TRPM2: variants seen among roughly 807,000 people sequenced by gnomAD.
The protein encoded by TRPM2 is estrogen-responsive element-associated gene 1 protein.
Under a neutral mutation model 174.0 loss-of-function variants are expected in TRPM2, and 161 were observed. That is an observed-to-expected ratio of 0.93 (90% CI 0.81 to 1.05). The LOEUF (loss-of-function observed/expected upper bound fraction) is 1.05. Ranked by LOEUF, TRPM2 falls within the 50% of genes least tolerant of loss-of-function variation. TRPM2 has a pLI of 0.00. For synonymous variants in TRPM2, 954 were observed against 861.3 expected, an observed-to-expected ratio of 1.11 and a Z score of -1.88; for missense variants, 2,057 against 2,038.0, an observed-to-expected ratio of 1.01 and a Z score of -0.18.
chr21:44,406,031 G>A lies in TRPM2; in HGVS notation c.2784G>A (p.Lys928=), dbSNP rs1370680143. 1.2e-6 allele frequency: 2 copies of A among 1,606,392 alleles called. No homozygotes were observed. The highest frequency in any genetic ancestry group is 1.7e-6 in the Non-Finnish European group (2 of 1,179,654). ...TGGGGCCCAAGATCATCATTGTGAA[G>A]CGGATGGTAAGGGGGCGGGGGCACC... The part of the protein sequence containing the change: ...KTLGPKIIIV[K]RMMKDVFFFL... The change falls in exon 18 of 32, where the codon AAG becomes AAA. Residue 928 remains lysine (K), a synonymous_variant. Coordinates refer to ENST00000397928, the MANE Select transcript of TRPM2 (RefSeq NM_003307.4).
At chr21:44,436,602 C>T (rs1283918352) in intron 28 of TRPM2, among the ~76,000 whole-genome samples, 9 of 126,492 alleles carry the variant, frequency 7.1e-5, no homozygotes, top group African/African-American at 2.4e-4. Context: ...CCCTGGGCTG[C>T]ACTCAGCACC....
Position 44,401,850 on chromosome 21 carries a change from GC to G in TRPM2, c.2493del (p.Ile832SerfsTer25). The G allele has an allele frequency of 1.2e-6, 2 of 1,613,918 alleles. No homozygotes were observed. Among genetic ancestry groups the G allele is most frequent in the Non-Finnish European group, 1.7e-6 (2 of 1,180,014 alleles). ...GCCTGTGCCCTCCTGGTGCGAGTGT[GC>G]CATCTACCTCTGGCTCTTCTCCTTG... ...FQPVPSWCEC[A>X]IYLWLFSLVC... On this transcript the variant is annotated frameshift_variant, in exon 16 of 32. Coordinates refer to ENST00000397928, the MANE Select transcript of TRPM2 (RefSeq NM_003307.4). LOFTEE classifies it high-confidence loss of function.
At chr21:44,400,218 A>G (rs767293798) in intron 14 of TRPM2, 41 bp from the exon 15 acceptor site, 5 of 1,560,630 alleles carry the variant, frequency 3.2e-6, no homozygotes, top group Non-Finnish European at 3.5e-6. Flanking sequence ...TCTGGGGCAC[A>G]GGGCTGGGCA....
rs763213781 is a variant in TRPM2 at position 44,425,792 on chromosome 21, C to T, written c.3760C>T (p.Arg1254Cys). ...HLLYPNCPVT[R>C]FPVPNEKVPW... ...CCTCTACCCCAACTGCCCTGTCACG[C>T]GCTTCCCCGTGCCCAACGAGAAGGT... The change falls in exon 25 of 32, where the codon CGC (arginine) becomes TGC (cysteine). Residue 1254 changes from arginine (R) to cysteine (C), a missense_variant. Physicochemically the swap from Arg to Cys is radical, Grantham distance 180. Coordinates refer to ENST00000397928, the MANE Select transcript of TRPM2 (RefSeq NM_003307.4). 4.5e-5 allele frequency: 72 copies of T among 1,586,036 alleles called. No homozygotes were observed. The highest frequency in any genetic ancestry group is 4.1e-4 in the Middle Eastern group (2 of 4,914).
rs1283596735 is a variant in TRPM2 at position 44,418,488 on chromosome 21, T to C, written c.3394T>C (p.Tyr1132His). Residue 1132 changes from tyrosine to histidine, a missense_variant, in exon 22 of 32, where the codon TAC becomes CAC. Transcript: ENST00000397928. Reference protein sequence around the residue: ...LSWEIYLKENYLQNRQFQQKQ... With the variant: ...LSWEIYLKENHLQNRQFQQKQ... ...CTGGGAGATCTACCTGAAGGAGAACTACCTCCAGAACCGACAGTTCCAGCA... is the reference window on the plus strand; with the variant it reads ...CTGGGAGATCTACCTGAAGGAGAACCACCTCCAGAACCGACAGTTCCAGCA... The C allele has an allele frequency of 1.1e-5, 17 of 1,613,946 alleles. No homozygotes were observed. The highest frequency in any genetic ancestry group is 1.4e-5 in the Non-Finnish European group (17 of 1,180,004).
At chr21:44,441,078 G>C (rs115772045) in intron 31 of TRPM2, among the ~76,000 whole-genome samples, 173 bp downstream of exon 31, 302 of 152,304 alleles carry the variant, frequency 2.0e-3, no homozygotes, top group African/African-American at 6.8e-3. Flanking sequence ...GATTCTGGAC[G>C]TGCCTCGAGG....
chr21:44,439,098 G>A lies in TRPM2; in HGVS notation c.4199G>A (p.Arg1400Gln), dbSNP rs375821511. Residue 1400 changes from arginine to glutamine, a missense_variant, in exon 30 of 32, where the codon CGG becomes CAG. Arg to Gln is a conservative substitution (Grantham distance 43). Transcript: ENST00000397928. The surrounding 1 kb of genome is among the most constrained non-coding windows in gnomAD (Gnocchi z 5.1). Reference sequence around the variant, plus strand: ...CGGGAGCCAGGGGAGATGCTACCTCGGAAGCTGAAGCGGATCCTCCGGCAG... The same window carrying A: ...CGGGAGCCAGGGGAGATGCTACCTCAGAAGCTGAAGCGGATCCTCCGGCAG... ...GSREPGEMLPRKLKRILRQEH... is the reference protein window; with the variant it reads ...GSREPGEMLPQKLKRILRQEH... 8.8e-5 allele frequency: 142 copies of A among 1,613,422 alleles called. No individual in the cohort carries two copies. The Admixed American group carries it at 1.0e-3, about 12-fold the overall frequency.
intron 11 of TRPM2, among the ~76,000 whole-genome samples, chr21:44,393,552 C>A (rs953577424): frequency 6.6e-6 from 1 of 152,220 alleles, no homozygotes; most frequent in Non-Finnish European, 1.5e-5. Context: ...TTTGTAAAAA[C>A]CATTTGGGAA....
At chr21:44,387,250 G>A (rs994032989) in intron 9 of TRPM2, among the ~76,000 whole-genome samples, 1 of 152,138 alleles carries the variant, frequency 6.6e-6, no homozygotes. Flanking sequence ...ATAAACCCTC[G>A]CATATATGGT....
rs150953374 is a variant in TRPM2 at position 44,430,262 on chromosome 21, G to A, written c.3974+3151G>A. Reference sequence around the variant, plus strand: ...TTGGTTTTGGTATGAGGTTATACCAGTCTCAATGAATGAGCTGGTCAGCTT... The same window carrying A: ...TTGGTTTTGGTATGAGGTTATACCAATCTCAATGAATGAGCTGGTCAGCTT... On this transcript the variant is annotated intron_variant, in intron 27 of 31. Coordinates refer to ENST00000397928, the MANE Select transcript of TRPM2 (RefSeq NM_003307.4). Among the ~76,000 whole-genome samples, 347 of 152,258 alleles carry A rather than the reference G, an allele frequency of 2.3e-3. 1 individual carries two copies. The highest frequency in any genetic ancestry group is 3.9e-3 in the Non-Finnish European group (263 of 68,010).
chr21:44,351,466 A>G (rs1381686151), upstream of TRPM2, among the ~76,000 whole-genome samples: 3 of 152,184 alleles, frequency 2.0e-5, no homozygotes, highest in Admixed American at 6.5e-5. Flanking sequence ...TGCTTCATGC[A>G]TCTGTCTTCT....
chr21:44,436,487 A>AC (rs2051270869), intron 28 of TRPM2, among the ~76,000 whole-genome samples: 1 of 149,098 alleles, frequency 6.7e-6, no homozygotes, highest in Admixed American at 6.7e-5. Flanking sequence ...GGCACTCGGC[A>AC]CCCCACGTCA....
At chr21:44,437,865 T>C (rs924363112) in intron 29 of TRPM2, among the ~76,000 whole-genome samples, 2 of 152,194 alleles carry the variant, frequency 1.3e-5, no homozygotes, top group Admixed American at 6.5e-5. Flanking sequence ...TGCCAGGAGG[T>C]CTGAGTCCTG....
intron 4 of TRPM2, among the ~76,000 whole-genome samples, chr21:44,368,892 T>C (rs889724786): frequency 3.9e-5 from 6 of 151,946 alleles, no homozygotes; most frequent in African/African-American, 1.5e-4. Context: ...GAAAGCAAAA[T>C]ACAAGAATGC....
At position 44,425,122 on chromosome 21, in the gene TRPM2, C is replaced by T. The variant is rs2050707520; in HGVS notation, c.3637+183C>T. ...TCAGCCCACCCACCGACGCTGGCGCCGAGGCCCCGCCCAATCCCTGACCTG... is the reference window on the plus strand; with the variant it reads ...TCAGCCCACCCACCGACGCTGGCGCTGAGGCCCCGCCCAATCCCTGACCTG... On this transcript the variant is annotated intron_variant, in intron 24 of 31. Transcript: ENST00000397928. 49 of 600,778 alleles carry T rather than the reference C, an allele frequency of 8.2e-5. No homozygotes were observed. The East Asian group carries it at 1.3e-3, about 16-fold the overall frequency. 37.2% of individuals were successfully genotyped at this position (600,778 alleles called of 1,614,324 possible).
intron 24 of TRPM2, chr21:44,425,309 C>T (rs1296038575): frequency 5.1e-6 from 2 of 390,056 alleles, no homozygotes; most frequent in Non-Finnish European, 4.6e-6. Flanking sequence ...TTCCTAAATT[C>T]GCAGCCGGCT....
rs560357058 is a variant in TRPM2 at position 44,423,862 on chromosome 21, C to T, written c.3549+130C>T. On this transcript the variant is annotated intron_variant, in intron 23 of 31. Coordinates refer to ENST00000397928, the MANE Select transcript of TRPM2 (RefSeq NM_003307.4). ...TGAGGAGGAGGCCGGAACGTTGGGG[C>T]AGCCATTCCCAGCTGGAAGAGGCAC... is the stretch of plus-strand genomic sequence containing the variant. The T allele has an allele frequency of 1.3e-5, 10 of 779,522 alleles. No homozygotes were observed. The East Asian group carries it at 1.9e-4, about 15-fold the overall frequency. The allele number at this position is 779,522 out of a possible 1,614,324, so 48.3% of individuals were successfully genotyped here.
intron 9 of TRPM2, among the ~76,000 whole-genome samples, chr21:44,386,550 C>T (rs1310557031): frequency 6.6e-6 from 1 of 152,106 alleles, no homozygotes; most frequent in African/African-American, 2.4e-5. Context: ...GGGTGAAAGA[C>T]TTGTACAATG....
intron 8 of TRPM2, 61 bp from the exon 9 acceptor site, chr21:44,382,657 C>T (rs918419843): frequency 3.2e-6 from 5 of 1,540,348 alleles, no homozygotes; most frequent in Non-Finnish European, 4.4e-6. Flanking sequence ...TTCTATGTGT[C>T]CTGGAGGAGG....
Sources: gnomAD v4.1 joint callset for allele counts (sites outside exome capture counted in the v4.1 genomes callset) on GRCh38, gnomAD v4.1.1 for gene constraint, Gnocchi (gnomAD v3.1) non-coding constraint, MANE v1.5 for transcripts, NCBI Gene and HGNC (gene_info 2026-07-23, HGNC 2026-07-21) for gene names.